RORA: variants seen among roughly 807,000 people sequenced by gnomAD.
RORA encodes the protein nuclear receptor ROR-alpha.
A neutral mutation model predicts 69.5 loss-of-function variants in RORA; 7 were observed. That is an observed-to-expected ratio of 0.10 (90% CI 0.06 to 0.19). The LOEUF (loss-of-function observed/expected upper bound fraction) is 0.19, where lower values mean the gene tolerates loss of function less well. Among genes scored for constraint, RORA ranks in the 10% least tolerant of loss-of-function variants. The pLI is 1.00. For missense variants in RORA, 457 were observed against 663.0 expected, an observed-to-expected ratio of 0.69 and a Z score of 3.41; for synonymous variants, 261 against 240.8, an observed-to-expected ratio of 1.08 and a Z score of -0.78.
At chr15:60,793,633 C>G (rs2072449003) in intron 1 of RORA, among the ~76,000 whole-genome samples, 1 of 152,190 alleles carries the variant, frequency 6.6e-6, no homozygotes. Flanking sequence ...CAAGTCTTGC[C>G]TGTGTGAGAA....
At chr15:60,863,852 G>T (rs2073457983) in intron 1 of RORA, among the ~76,000 whole-genome samples, 1 of 151,700 alleles carries the variant, frequency 6.6e-6, no homozygotes, top group Admixed American at 6.6e-5. Flanking sequence ...TGTCGCCCAG[G>T]CTGGAGTGCA....
At chr15:60,954,342 A>G (rs1189197562) in intron 1 of RORA, among the ~76,000 whole-genome samples, 3 of 148,644 alleles carry the variant, frequency 2.0e-5, no homozygotes, top group Admixed American at 2.0e-4. Flanking sequence ...ACCTAATGCT[A>G]GATGACGAGT....
intron 1 of RORA, among the ~76,000 whole-genome samples, chr15:61,222,000 A>G (rs1192819524): frequency 6.6e-6 from 1 of 152,162 alleles, no homozygotes; most frequent in African/African-American, 2.4e-5. Flanking sequence ...AATCAAAATT[A>G]AAACACCCAA....
At chr15:60,866,928 C>T (rs1458543664) in intron 1 of RORA, among the ~76,000 whole-genome samples, 4 of 152,020 alleles carry the variant, frequency 2.6e-5, no homozygotes, top group Admixed American at 6.6e-5. Context: ...GGCAGTGGTG[C>T]GATCTTGGCT....
At chr15:60,954,775 A>G (rs979874753) in intron 1 of RORA, among the ~76,000 whole-genome samples, 2 of 152,182 alleles carry the variant, frequency 1.3e-5, no homozygotes, top group Non-Finnish European at 2.9e-5. Context: ...CTCCAAGACC[A>G]GTTATTTTTG....
chr15:61,168,135 T>C (rs895528203), intron 1 of RORA, among the ~76,000 whole-genome samples: 1 of 150,130 alleles, frequency 6.7e-6, no homozygotes, highest in African/African-American at 2.4e-5. Context: ...AAAACATACA[T>C]ATATACACAT....
chr15:60,746,932 C>G (rs1439336385), intron 1 of RORA, among the ~76,000 whole-genome samples: 2 of 152,158 alleles, frequency 1.3e-5, no homozygotes, highest in East Asian at 3.8e-4. Flanking sequence ...TCAAATTACT[C>G]TGAATAAAAT....
chr15:60,637,772 A>G (rs1174833190), intron 2 of RORA, among the ~76,000 whole-genome samples: 1 of 152,026 alleles, frequency 6.6e-6, no homozygotes, highest in African/African-American at 2.4e-5. Context: ...CTCTTTGCCT[A>G]TTCATTTATC....
chr15:60,949,223 A>T (rs754849283), intron 1 of RORA, among the ~76,000 whole-genome samples: 2 of 152,168 alleles, frequency 1.3e-5, no homozygotes, highest in Admixed American at 6.5e-5. Flanking sequence ...GTGTTGAGGC[A>T]GCTGAACCCC....
At chr15:61,228,348 T>G (rs917661154) in intron 1 of RORA, among the ~76,000 whole-genome samples, 1 of 151,276 alleles carries the variant, frequency 6.6e-6, no homozygotes, top group Non-Finnish European at 1.5e-5. Flanking sequence ...CTTGCGCATC[T>G]CCCCTCGCCG....
intron 5 of RORA, among the ~76,000 whole-genome samples, chr15:60,509,627 G>A (rs976983535): frequency 6.6e-6 from 1 of 152,160 alleles, no homozygotes; most frequent in Non-Finnish European, 1.5e-5. Context: ...TTTATGGTAA[G>A]GTGGAGGCAA....
chr15:60,589,264 A>C lies in RORA; in HGVS notation c.197-57413T>G, dbSNP rs181434877. 3.9e-5 allele frequency among the ~76,000 whole-genome samples: 6 copies of C among 152,372 alleles called. No homozygotes were observed. In the East Asian group the frequency reaches 9.6e-4, roughly 24 times the overall value. ...AGAATCGTATTTATTACAGTTGGACATACTACCAACACATACAGTATTTTC... is the reference window on the plus strand; with the variant it reads ...AGAATCGTATTTATTACAGTTGGACCTACTACCAACACATACAGTATTTTC... On this transcript the variant is annotated intron_variant, in intron 2 of 10. Transcript: ENST00000335670.
chr15:60,843,368 G>T (rs946687923), intron 1 of RORA, among the ~76,000 whole-genome samples: 1 of 152,176 alleles, frequency 6.6e-6, no homozygotes, highest in Non-Finnish European at 1.5e-5. Flanking sequence ...TCATTTTACA[G>T]GTGAGGACAT....
chr15:61,084,020 T>C (rs1483654202), intron 1 of RORA, among the ~76,000 whole-genome samples: 1 of 152,158 alleles, frequency 6.6e-6, no homozygotes, highest in Non-Finnish European at 1.5e-5. Flanking sequence ...AAGAGGTTGG[T>C]AAGGGACTTC....
At chr15:61,060,954 A>G (rs1480378334) in intron 1 of RORA, among the ~76,000 whole-genome samples, 2 of 152,218 alleles carry the variant, frequency 1.3e-5, no homozygotes, top group Admixed American at 1.3e-4. Context: ...TGGGTTGGAC[A>G]AGCTTGATAT....
intron 2 of RORA, among the ~76,000 whole-genome samples, chr15:60,668,422 A>C (rs1257533066): frequency 2.0e-5 from 3 of 152,224 alleles, no homozygotes; most frequent in African/African-American, 4.8e-5. Context: ...ATTTGAGGCA[A>C]CTTCATTATA....
chr15:60,553,743 G>T (rs2067284916), intron 2 of RORA, among the ~76,000 whole-genome samples: 1 of 152,192 alleles, frequency 6.6e-6, no homozygotes. Flanking sequence ...TATCACTACA[G>T]ATGGGCACTG....
rs553471550 is a variant in RORA at position 60,923,818 on chromosome 15, C to T, written c.167-245132G>A. 1.2e-4 allele frequency among the ~76,000 whole-genome samples: 19 copies of T among 152,298 alleles called. No individual in the cohort carries two copies. The South Asian group carries it at 3.9e-3, about 32-fold the overall frequency. On this transcript the variant is annotated intron_variant, in intron 1 of 10. Transcript: ENST00000335670. ...CCCAGAAGAGCCAGGAAAAAACCCT[C>T]CCCTCTAACTCACCATAGGGCTTGC...
chr15:60,624,604 CA>C (rs2069523422), intron 2 of RORA, among the ~76,000 whole-genome samples: 1 of 150,036 alleles, frequency 6.7e-6, no homozygotes, highest in African/African-American at 2.5e-5. Flanking sequence ...CAAACACACA[CA>C]ATTATTCATT....
Sources: gnomAD v4.1 joint callset for allele counts (sites outside exome capture counted in the v4.1 genomes callset) on GRCh38, gnomAD v4.1.1 for gene constraint, MANE v1.5 for transcripts, NCBI Gene and HGNC (gene_info 2026-07-23, HGNC 2026-07-21) for gene names.